The following SLC24A2 variants were observed in gnomAD, a reference collection of about 807,000 sequenced individuals.
SLC24A2 encodes solute carrier family 24 member 2.
Under a neutral mutation model 62.0 loss-of-function variants are expected in SLC24A2, and 36 were observed. The observed-to-expected ratio is 0.58, with a 90% CI of 0.44 to 0.77. The LOEUF (loss-of-function observed/expected upper bound fraction) is 0.77, where lower values mean the gene tolerates loss of function less well. Among genes scored for constraint, SLC24A2 ranks in the 30% least tolerant of loss-of-function variants. The pLI is 0.00. For missense variants in SLC24A2, 846 were observed against 817.9 expected, an observed-to-expected ratio of 1.03 and a Z score of -0.42; for synonymous variants, 358 against 294.0, an observed-to-expected ratio of 1.22 and a Z score of -2.23.
chr9:20,270,712 G>A, the SLC24A2 span, among the ~76,000 whole-genome samples: 1 of 152,140 alleles, frequency 6.6e-6, no homozygotes, highest in African/African-American at 2.4e-5. Flanking sequence ...GACAGACTCT[G>A]GGGATATAAC....
the SLC24A2 span, among the ~76,000 whole-genome samples, chr9:20,077,833 C>T: frequency 6.6e-6 from 1 of 152,078 alleles, no homozygotes; most frequent in Middle Eastern, 3.2e-3. Context: ...TCTCAGATAA[C>T]CCGCGATAGT....
At chr9:20,267,947 T>A in the SLC24A2 span, among the ~76,000 whole-genome samples, 10 of 152,076 alleles carry the variant, frequency 6.6e-5, no homozygotes, top group African/African-American at 2.4e-4. Context: ...TCAATTACCT[T>A]TAACCTCCCC....
At chr9:19,569,142 A>G (rs1478052550) in intron 7 of SLC24A2, among the ~76,000 whole-genome samples, 3 of 152,204 alleles carry the variant, frequency 2.0e-5, no homozygotes, top group Non-Finnish European at 2.9e-5. Context: ...AGGGCCAGAT[A>G]GTAAATATTT....
the SLC24A2 span, among the ~76,000 whole-genome samples, chr9:20,113,835 C>T: frequency 6.6e-6 from 1 of 152,132 alleles, no homozygotes; most frequent in Non-Finnish European, 1.5e-5. Flanking sequence ...GATGGAGTAA[C>T]TGCATTCAGA....
At chr9:20,099,753 T>A in the SLC24A2 span, among the ~76,000 whole-genome samples, 2 of 152,184 alleles carry the variant, frequency 1.3e-5, no homozygotes, top group Admixed American at 1.3e-4. Flanking sequence ...CCTAGGTACC[T>A]CAATTCTATA....
chr9:20,017,299 A>G, the SLC24A2 span, among the ~76,000 whole-genome samples: 2 of 152,226 alleles, frequency 1.3e-5, no homozygotes, highest in Non-Finnish European at 2.9e-5. Context: ...CTGGGATTGC[A>G]GGTGTGAGCC....
chr9:19,570,562 C>T (rs1320907946), intron 7 of SLC24A2, among the ~76,000 whole-genome samples: 5 of 152,210 alleles, frequency 3.3e-5, no homozygotes, highest in Admixed American at 2.6e-4. Context: ...AAAACCATTT[C>T]ACTTTACATA....
the SLC24A2 span, among the ~76,000 whole-genome samples, chr9:20,227,100 T>C: frequency 6.6e-6 from 1 of 152,180 alleles, no homozygotes; most frequent in African/African-American, 2.4e-5. Flanking sequence ...TTTTAGACTG[T>C]TTATGCTCTC....
At chr9:19,938,779 A>G in the SLC24A2 span, among the ~76,000 whole-genome samples, 1 of 152,170 alleles carries the variant, frequency 6.6e-6, no homozygotes, top group African/African-American at 2.4e-5. Flanking sequence ...TATATTTTCC[A>G]AGTTTCCAGA....
chr9:20,163,759 G>A, the SLC24A2 span, among the ~76,000 whole-genome samples: 2 of 152,214 alleles, frequency 1.3e-5, no homozygotes, highest in South Asian at 2.1e-4. Flanking sequence ...AACCAAAACA[G>A]CACGGTACTG....
At chr9:19,831,236 AT>A in the SLC24A2 span, among the ~76,000 whole-genome samples, 4 of 152,192 alleles carry the variant, frequency 2.6e-5, no homozygotes, top group Non-Finnish European at 4.4e-5. Flanking sequence ...ACTGTAAGAA[AT>A]TCTGGTCACT....
intron 2 of SLC24A2, among the ~76,000 whole-genome samples, chr9:19,692,511 G>C (rs1398572305): frequency 6.6e-6 from 1 of 151,968 alleles, no homozygotes; most frequent in African/African-American, 2.4e-5. Flanking sequence ...GCTTCACTGT[G>C]GATAAAATAT....
chr9:20,060,321 C>A, the SLC24A2 span, among the ~76,000 whole-genome samples: 1 of 152,078 alleles, frequency 6.6e-6, no homozygotes, highest in African/African-American at 2.4e-5. Context: ...CAGCTTTATT[C>A]CTCATACCAA....
chr9:20,095,380 G>C, the SLC24A2 span, among the ~76,000 whole-genome samples: 1 of 152,160 alleles, frequency 6.6e-6, no homozygotes, highest in Non-Finnish European at 1.5e-5. Flanking sequence ...ACATTATTCT[G>C]GGTGTTTCTG....
chr9:19,957,624 T>G, the SLC24A2 span: 1 of 152,726 alleles, frequency 6.5e-6, no homozygotes, highest in Non-Finnish European at 1.5e-5. Context: ...GGGTCTTTGT[T>G]CAAAACTGCT....
In SLC24A2 at chr9:19,619,673, C is replaced by G. The variant is rs773442046; in HGVS notation, c.989G>C (p.Arg330Pro). 1 of 1,613,822 alleles carries G rather than the reference C, an allele frequency of 6.2e-7. No homozygotes were observed. Residue 330 changes from arginine (R) to proline (P), a missense_variant, in exon 4 of 11, where the codon CGA becomes CCA. Coordinates refer to ENST00000341998, the MANE Select transcript of SLC24A2 (RefSeq NM_020344.4). Reference sequence around the variant, plus strand: ...GTGGAGGGAGGCAGAGCTTCCACCTCGCTGGAGACGCGGCTTAGCCTGAGC... The same window carrying G: ...GTGGAGGGAGGCAGAGCTTCCACCTGGCTGGAGACGCGGCTTAGCCTGAGC... ...PTLPAKPRLQRGGSSASLHNS... is the reference protein window; with the variant it reads ...PTLPAKPRLQPGGSSASLHNS...
At chr9:19,919,131 G>T in the SLC24A2 span, among the ~76,000 whole-genome samples, 1 of 152,190 alleles carries the variant, frequency 6.6e-6, no homozygotes, top group Non-Finnish European at 1.5e-5. Context: ...ACCTATCCGA[G>T]CTTGCTTCGG....
the SLC24A2 span, among the ~76,000 whole-genome samples, chr9:20,288,783 C>T: frequency 2.7e-5 from 4 of 150,200 alleles, no homozygotes; most frequent in Admixed American, 2.0e-4. Flanking sequence ...GGAAGAGACA[C>T]AATGCAACTT....
At chr9:19,519,453 T>C (rs1036511459) in intron 10 of SLC24A2, among the ~76,000 whole-genome samples, 4 of 152,126 alleles carry the variant, frequency 2.6e-5, no homozygotes, top group Non-Finnish European at 5.9e-5. Flanking sequence ...TTACTATTAT[T>C]TTTTACAAGA....
Sources: gnomAD v4.1 joint callset for allele counts (sites outside exome capture counted in the v4.1 genomes callset) on GRCh38, gnomAD v4.1.1 for gene constraint, MANE v1.5 for transcripts, NCBI Gene and HGNC (gene_info 2026-07-23, HGNC 2026-07-21) for gene names.